Variants in FMNL2 observed in about 807,000 individuals in gnomAD.
The protein encoded by FMNL2 is formin-like protein 2.
FMNL2 carries 51 observed loss-of-function variants against 130.2 expected under a neutral mutation model. That is an observed-to-expected ratio of 0.39 (90% confidence interval 0.31 to 0.49). FMNL2 has a LOEUF of 0.49. FMNL2 is among the 20% of genes least tolerant of loss of function. The probability of loss-of-function intolerance (pLI) is 0.85; values close to 1 mark genes in which losing one functional copy is unlikely to be tolerated. For synonymous variants in FMNL2, 465 were observed against 467.1 expected (o/e 1.00, Z 0.06); for missense variants, 977 against 1,316.2 (o/e 0.74, Z 3.99).
At chr2:152,588,947 G>A (rs1435039814) in intron 9 of FMNL2, among the ~76,000 whole-genome samples, 2 of 152,068 alleles carry the variant, frequency 1.3e-5, no homozygotes, top group East Asian at 3.9e-4. Context: ...AGAGCAGGGT[G>A]TGTTTGGGGT....
rs1229614022 is a variant in FMNL2, at chr2:152,575,212, A to G, written c.673A>G (p.Ile225Val). 6.2e-6 allele frequency: 10 copies of G among 1,605,122 alleles called. No individual in the cohort carries two copies. The highest frequency in any genetic ancestry group is 7.7e-6 in the Non-Finnish European group (9 of 1,175,312). ...TAAGAAAGATGATGTGCATGTCTGTATCATGTGTTTACGTGCCATCATGAA... is the reference window on the plus strand; with the variant it reads ...TAAGAAAGATGATGTGCATGTCTGTGTCATGTGTTTACGTGCCATCATGAA... ...VSKKDDVHVCIMCLRAIMNYQ... is the reference protein window; with the variant it reads ...VSKKDDVHVCVMCLRAIMNYQ... The change falls in exon 7 of 26, where the codon ATC becomes GTC. Residue 225 changes from isoleucine (I) to valine (V), a missense_variant. Ile to Val is a conservative substitution (Grantham distance 29). Coordinates refer to ENST00000288670, the MANE Select transcript of FMNL2 (RefSeq NM_052905.4).
At chr2:152,504,300 C>T (rs992850851) in intron 1 of FMNL2, among the ~76,000 whole-genome samples, 3 of 149,680 alleles carry the variant, frequency 2.0e-5, no homozygotes, top group South Asian at 4.2e-4. Flanking sequence ...CTTGCTGTGT[C>T]GCCCAGGCCA....
At chr2:152,401,257 C>T (rs1685678336) in intron 1 of FMNL2, among the ~76,000 whole-genome samples, 1 of 152,180 alleles carries the variant, frequency 6.6e-6, no homozygotes, top group Non-Finnish European at 1.5e-5. Context: ...TTCTTCAATG[C>T]CTTTAGGAGA....
chr2:152,639,922 T>G (rs1432937770), intron 23 of FMNL2, 36 bp from the exon 24 acceptor site: 3 of 1,517,536 alleles, frequency 2.0e-6, no homozygotes, highest in South Asian at 1.3e-5. Flanking sequence ...CTCATTTCCA[T>G]TAACATCATC....
chr2:152,430,077 A>G (rs911270805), intron 1 of FMNL2, among the ~76,000 whole-genome samples: 4 of 152,234 alleles, frequency 2.6e-5, no homozygotes, highest in African/African-American at 7.2e-5. Context: ...AACAAACAAA[A>G]AAAGCAGTGG....
intron 1 of FMNL2, among the ~76,000 whole-genome samples, chr2:152,473,935 C>T (rs374908732): frequency 3.9e-4 from 60 of 152,248 alleles, no homozygotes; most frequent in African/African-American, 1.3e-3. Flanking sequence ...AGTGCAGTGA[C>T]GCAATCTTGG....
chr2:152,380,849 T>C (rs1684423213), intron 1 of FMNL2, among the ~76,000 whole-genome samples: 5 of 152,176 alleles, frequency 3.3e-5, no homozygotes, highest in African/African-American at 1.2e-4. Context: ...TTTAAGAGCA[T>C]GCAGGGTGGC....
In FMNL2 at chr2:152,646,888, G is replaced by GACTT. The variant is rs531964781; in HGVS notation, c.3170-904_3170-901dup. On this transcript the variant is annotated intron_variant, in intron 25 of 25. Transcript: ENST00000288670. ...AGCCTAGCCTGCTGGCTAGCTACCT[G>GACTT]ACTTACTCAAGAAAGCATGCCTTCA... 3.0e-4 allele frequency among the ~76,000 whole-genome samples: 46 copies of GACTT among 152,236 alleles called. No individual in the cohort carries two copies. The South Asian group carries it at 3.9e-3, about 13-fold the overall frequency.
intron 1 of FMNL2, among the ~76,000 whole-genome samples, chr2:152,431,193 T>G (rs1182529002): frequency 6.6e-6 from 1 of 152,222 alleles, no homozygotes; most frequent in Non-Finnish European, 1.5e-5. Flanking sequence ...CTGCTTTAAA[T>G]CATCTTCCTT....
At chr2:152,604,044 A>G (rs1580074427) in intron 9 of FMNL2, among the ~76,000 whole-genome samples, 1 of 151,070 alleles carries the variant, frequency 6.6e-6, no homozygotes, top group Admixed American at 6.6e-5. Context: ...CTAGGAATCT[A>G]TCATTTTTCG....
At chr2:152,415,113 C>T (rs374688478) in intron 1 of FMNL2, among the ~76,000 whole-genome samples, 1 of 151,758 alleles carries the variant, frequency 6.6e-6, no homozygotes, top group Non-Finnish European at 1.5e-5. Context: ...CAGAAACCTA[C>T]AGCAGAGGTG....
At chr2:152,517,931 G>A (rs1283079849) in intron 1 of FMNL2, among the ~76,000 whole-genome samples, 3 of 152,210 alleles carry the variant, frequency 2.0e-5, no homozygotes, top group Non-Finnish European at 4.4e-5. Context: ...CTAAGAGTGG[G>A]TGAGGTAGAG....
intron 1 of FMNL2, among the ~76,000 whole-genome samples, chr2:152,476,755 T>C (rs1690171968): frequency 6.6e-6 from 1 of 151,776 alleles, no homozygotes. Context: ...GAACCCCCCA[T>C]AGTGGGCGGA....
At chr2:152,601,667 CTTTCTTTT>C (rs1698074534) in intron 9 of FMNL2, among the ~76,000 whole-genome samples, 2 of 132,240 alleles carry the variant, frequency 1.5e-5, no homozygotes, top group African/African-American at 3.1e-5. Flanking sequence ...CTTTTCTTTT[CTTTCTTTT>C]TTTTTTTTTT....
At chr2:152,616,327 G>GTTTTTT (rs36107333) in intron 12 of FMNL2, among the ~76,000 whole-genome samples, 3 of 110,016 alleles carry the variant, frequency 2.7e-5, no homozygotes, top group African/African-American at 3.7e-5. Flanking sequence ...ATTTTTGTGG[G>GTTTTTT]TTTTTTTTTT....
At position 152,643,717 on chromosome 2, in the gene FMNL2, G is replaced by A. The variant is rs1320581649; in HGVS notation, c.3169+2803G>A. On this transcript the variant is annotated intron_variant, in intron 25 of 25. Transcript: ENST00000288670. ...CACTCACTGGCCACTTTCAATACAT[G>A]TATGTATTCACATTGCTGTAACAGT... 3 of 985,080 alleles carry A rather than the reference G, an allele frequency of 3.0e-6. No homozygotes were observed. The African/African-American group carries it at 5.2e-5, about 17-fold the overall frequency. The allele number at this position is 985,080 out of a possible 1,614,324, so 61.0% of individuals were successfully genotyped here.
chr2:152,565,356 A>G (rs1343044708), intron 6 of FMNL2, among the ~76,000 whole-genome samples: 1 of 152,144 alleles, frequency 6.6e-6, no homozygotes, highest in East Asian at 1.9e-4. Context: ...GTGGAGGGGA[A>G]GTGAAAGAAC....
In FMNL2 at chr2:152,649,650, T is replaced by C. The variant is rs1683909099; in HGVS notation, c.*1745T>C. The C allele has an allele frequency of 6.5e-6, 1 of 152,678 alleles. No homozygotes were observed. 9.5% of individuals were successfully genotyped at this position (152,678 alleles called of 1,614,324 possible). ...AGTTCAATGCTGACATATATGTATA[T>C]TAAAATAATTGCCTATTTATTAATC... On this transcript the variant is annotated 3_prime_UTR_variant, in exon 26 of 26. Coordinates refer to ENST00000288670, the MANE Select transcript of FMNL2 (RefSeq NM_052905.4).
At position 152,549,409 on chromosome 2, in the gene FMNL2, A is replaced by G. The variant is rs994015401; in HGVS notation, c.359+312A>G. On this transcript the variant is annotated intron_variant, in intron 4 of 25. Transcript: ENST00000288670. The stretch of plus-strand genomic sequence containing the variant: ...ATCAGAAACCCCCAATAGTGCATGT[A>G]GACTGAGATCTTGGAAAATCTCTAA... 7.2e-5 allele frequency among the ~76,000 whole-genome samples: 11 copies of G among 152,332 alleles called. No individual in the cohort carries two copies. In the East Asian group the frequency reaches 2.1e-3, roughly 29 times the overall value.
Sources: allele counts gnomAD v4.1 joint callset (sites outside exome capture counted in the v4.1 genomes callset), GRCh38; gene constraint gnomAD v4.1.1; transcripts MANE v1.5; gene names NCBI Gene and HGNC (gene_info 2026-07-23, HGNC 2026-07-21).